The following JAK2 variants were observed in gnomAD, a reference collection of about 807,000 sequenced individuals.
The protein encoded by JAK2 is Janus kinase 2.
A neutral mutation model predicts 139.3 loss-of-function variants in JAK2; 86 were observed. The observed-to-expected ratio is 0.62, with a 90% CI of 0.52 to 0.74. The LOEUF is 0.74. JAK2 is among the 30% of genes least tolerant of loss of function. JAK2 has a pLI of 0.00. For missense variants in JAK2, 1,421 were observed against 1,360.3 expected (o/e 1.04, Z -0.70); for synonymous variants, 490 against 437.7 (o/e 1.12, Z -1.49).
intron 2 of JAK2, among the ~76,000 whole-genome samples, chr9:5,018,356 G>C (rs954872270): frequency 3.3e-5 from 5 of 152,052 alleles, no homozygotes; most frequent in Non-Finnish European, 7.4e-5. Context: ...TTGAGACAGG[G>C]TTTTGCTCTT....
In JAK2 at chr9:5,127,507, G is replaced by C. The variant is rs889130331; in HGVS notation, c.*716G>C. 4.3e-6 allele frequency: 1 copy of C among 230,974 alleles called. No individual in the cohort carries two copies. Among genetic ancestry groups the C allele is most frequent in the African/African-American group, 2.2e-5 (1 of 45,194 alleles). 14.3% of individuals were successfully genotyped at this position (230,974 alleles called of 1,614,324 possible). A position where few individuals can be genotyped will look rare whatever the true frequency, so the allele number is the denominator to read the frequency against. On this transcript the variant is annotated 3_prime_UTR_variant, in exon 25 of 25. Transcript: ENST00000381652. ...TTTTGAAATGAAACAAGCTTACAAAGATATAATCTATTTTATTATGGTTTC... is the reference window on the plus strand; with the variant it reads ...TTTTGAAATGAAACAAGCTTACAAACATATAATCTATTTTATTATGGTTTC...
intron 22 of JAK2, chr9:5,111,861 C>T: frequency 5.2e-6 from 2 of 388,092 alleles, no homozygotes; most frequent in South Asian, 1.9e-5. Context: ...ACCTCCTGGG[C>T]TCCCGAGGGA....
At chr9:5,068,395 A>G (rs755152772) in intron 10 of JAK2, among the ~76,000 whole-genome samples, 27 of 152,242 alleles carry the variant, frequency 1.8e-4, no homozygotes, top group Non-Finnish European at 4.0e-4. Context: ...TACAAATACA[A>G]TGGTGGTGCA....
intron 4 of JAK2, chr9:5,041,308 C>A: frequency 1.2e-6 from 1 of 805,356 alleles, no homozygotes; most frequent in Non-Finnish European, 2.1e-6. Context: ...CCAAGAAGCA[C>A]ATCCCGTGCA....
intron 22 of JAK2, chr9:5,109,010 T>G (rs1368282416): frequency 6.6e-6 from 1 of 152,054 alleles, no homozygotes; most frequent in African/African-American, 2.4e-5. Context: ...CTAGCAAATC[T>G]CACTAATCTT....
At chr9:5,038,707 C>T (rs1173029747) in intron 4 of JAK2, among the ~76,000 whole-genome samples, 1 of 151,220 alleles carries the variant, frequency 6.6e-6, no homozygotes, top group African/African-American at 2.4e-5. Flanking sequence ...TTCTTTTGCA[C>T]ATCAGGTTAG....
chr9:5,084,991 G>C (rs1186911694), intron 19 of JAK2: 1 of 835,682 alleles, frequency 1.2e-6, no homozygotes, highest in East Asian at 3.9e-5. Context: ...AACAGAAAGA[G>C]TTGTCATTTA....
At chr9:5,106,850 G>A (rs992994373) in intron 22 of JAK2, among the ~76,000 whole-genome samples, 4 of 152,138 alleles carry the variant, frequency 2.6e-5, no homozygotes, top group Admixed American at 6.5e-5. Context: ...GTTGAACAAT[G>A]AGAACACTTG....
At position 4,988,504 on chromosome 9, in the gene JAK2, G is replaced by C. The variant is rs373910522; in HGVS notation, c.-26+2482G>C. 3.0e-4 allele frequency among the ~76,000 whole-genome samples: 46 copies of C among 152,272 alleles called. No individual in the cohort carries two copies. The Middle Eastern group carries it at 0.01, about 34-fold the overall frequency. On this transcript the variant is annotated intron_variant, in intron 2 of 24. Coordinates refer to ENST00000381652, the MANE Select transcript of JAK2 (RefSeq NM_004972.4). ...GTTCAAACCTATTTCTTTTGGCCTGGGGGTGTCGTGAAAAATTTGCTAAGA... is the reference window on the plus strand; with the variant it reads ...GTTCAAACCTATTTCTTTTGGCCTGCGGGTGTCGTGAAAAATTTGCTAAGA...
intron 4 of JAK2, chr9:5,041,556 A>T: frequency 3.8e-6 from 2 of 526,594 alleles, no homozygotes; most frequent in South Asian, 3.0e-5. Context: ...CCCAGAGGAG[A>T]TGGCTACGTA....
At position 4,990,837 on chromosome 9, in the gene JAK2, C is replaced by G. The variant is rs184064536; in HGVS notation, c.-26+4815C>G. 9.3e-4 allele frequency among the ~76,000 whole-genome samples: 142 copies of G among 152,270 alleles called. 1 individual carries two copies. Among genetic ancestry groups the G allele is most frequent in the Non-Finnish European group, 1.8e-3 (122 of 68,028 alleles). On this transcript the variant is annotated intron_variant, in intron 2 of 24. Transcript: ENST00000381652. Reference sequence around the variant, plus strand: ...TTGTTCTCTCCGGTTTAACAAAAGACCTTTGGATTTGACAGTTGGGTGATC... The same window carrying G: ...TTGTTCTCTCCGGTTTAACAAAAGAGCTTTGGATTTGACAGTTGGGTGATC...
chr9:5,125,335 G>A (rs899326496), intron 23 of JAK2, among the ~76,000 whole-genome samples: 1 of 151,010 alleles, frequency 6.6e-6, no homozygotes, highest in Non-Finnish European at 1.5e-5. Context: ...ATTACAGCAT[G>A]GGTAATTTAC....
At chr9:5,032,286 G>A (rs1231968099) in intron 4 of JAK2, among the ~76,000 whole-genome samples, 4 of 152,244 alleles carry the variant, frequency 2.6e-5, no homozygotes, top group Admixed American at 1.3e-4. Flanking sequence ...ACAGCTCAAG[G>A]AGGCCTGCCG....
chr9:5,115,678 T>C (rs537980576), intron 22 of JAK2, among the ~76,000 whole-genome samples: 21 of 152,312 alleles, frequency 1.4e-4, no homozygotes, highest in East Asian at 1.9e-4. Context: ...CCATCAATGA[T>C]AGACTGGATA....
intron 22 of JAK2, among the ~76,000 whole-genome samples, chr9:5,113,233 C>A (rs1822802209): frequency 8.9e-6 from 1 of 112,704 alleles, no homozygotes. Context: ...GTAAACAAAA[C>A]CTGAATGCAA....
At chr9:5,065,524 C>G (rs1030259222) in intron 9 of JAK2, among the ~76,000 whole-genome samples, 2 of 152,200 alleles carry the variant, frequency 1.3e-5, no homozygotes, top group African/African-American at 4.8e-5. Context: ...CTGTGTAACA[C>G]AGCAGCCACT....
chr9:4,996,005 G>A (rs1820537814), intron 2 of JAK2, among the ~76,000 whole-genome samples: 1 of 152,082 alleles, frequency 6.6e-6, no homozygotes, highest in Non-Finnish European at 1.5e-5. Flanking sequence ...GCTACTGAGG[G>A]AAGCTTGTCA....
intron 22 of JAK2, chr9:5,114,266 C>G (rs1441713324): frequency 3.7e-6 from 2 of 544,356 alleles, no homozygotes; most frequent in Admixed American, 4.2e-5. Context: ...TGGTGGTGGA[C>G]CTGGCACCCA....
intron 19 of JAK2, among the ~76,000 whole-genome samples, chr9:5,086,409 G>T (rs1795516555): frequency 6.6e-6 from 1 of 152,172 alleles, no homozygotes. Context: ...CAGAGATCAG[G>T]ATCTTAGTGC....
Sources: allele counts gnomAD v4.1 joint callset (sites outside exome capture counted in the v4.1 genomes callset), GRCh38; gene constraint gnomAD v4.1.1; transcripts MANE v1.5; gene names NCBI Gene and HGNC (gene_info 2026-07-23, HGNC 2026-07-21).